CDH23: variants seen among roughly 807,000 people sequenced by gnomAD.
The protein encoded by CDH23 is cadherin related 23, also known as cadherin-23.
In CDH23, 189 loss-of-function variants were observed where a neutral mutation model predicts 317.1. The observed-to-expected ratio is 0.60, with a 90% confidence interval of 0.53 to 0.67. CDH23 has a LOEUF of 0.67. CDH23 is among the 30% of genes least tolerant of loss of function. The probability of loss-of-function intolerance (pLI) is 0.00; values close to 1 mark genes in which losing one functional copy is unlikely to be tolerated. For missense variants in CDH23, 4,401 were observed against 4,592.4 expected, an observed-to-expected ratio of 0.96 and a Z score of 1.20; for synonymous variants, 1,839 against 1,876.8, an observed-to-expected ratio of 0.98 and a Z score of 0.52.
intron 6 of CDH23, among the ~76,000 whole-genome samples, chr10:71,537,328 C>T (rs867813084): frequency 4.6e-5 from 7 of 152,104 alleles, no homozygotes; most frequent in Non-Finnish European, 7.3e-5. Flanking sequence ...GCGGAGAGCC[C>T]GGGACATGAT....
intron 1 of CDH23, among the ~76,000 whole-genome samples, chr10:71,425,232 G>GGAGAGAGAGAGAGAGAGAGAGAGAGA (rs748338206): frequency 9.5e-5 from 7 of 73,962 alleles, no homozygotes; most frequent in African/African-American, 2.8e-4. Flanking sequence ...AGAGAGAGAG[G>GGAGAGAGAGAGAGAGAGAGAGAGAGA]GAGAGAGAGA....
At chr10:71,814,688 ACACAC>A (rs1488173351) in intron 69 of CDH23, among the ~76,000 whole-genome samples, 3 of 139,792 alleles carry the variant, frequency 2.1e-5, no homozygotes, top group Non-Finnish European at 3.1e-5. Flanking sequence ...CGATACACAC[ACACAC>A]AATTTTCACA....
intron 41 of CDH23, among the ~76,000 whole-genome samples, chr10:71,782,398 C>G (rs2132934783): frequency 6.6e-6 from 1 of 152,376 alleles, no homozygotes; most frequent in South Asian, 2.1e-4. Flanking sequence ...GGTGGCATCT[C>G]TCTATTAGCC....
Position 71,694,225 on chromosome 10 carries a change from G to T in CDH23, c.2255G>T (p.Gly752Val). The T allele has an allele frequency of 6.2e-7, 1 of 1,613,476 alleles. No individual in the cohort carries two copies. Residue 752 changes from glycine to valine, a missense_variant, in exon 21 of 70, where the codon GGT becomes GTT. Gly to Val is a moderately radical substitution (Grantham distance 109). Coordinates refer to ENST00000224721, the MANE Select transcript of CDH23 (RefSeq NM_022124.6). ...CTCATCGTTCGCGCAGTGGACGGGG[G>T]TGTGGGCCACAACCAGAAAACTGGC... ...YILIVRAVDG[G>V]VGHNQKTGIA...
intron 68 of CDH23, 90 bp from the exon 69 acceptor site, chr10:71,813,154 C>T: frequency 7.8e-7 from 1 of 1,276,952 alleles, no homozygotes; most frequent in East Asian, 2.5e-5. Context: ...GATCAGATGT[C>T]CGTGTACCCC....
chr10:71,764,042 T>C (rs893083215), intron 38 of CDH23, among the ~76,000 whole-genome samples: 8 of 152,064 alleles, frequency 5.3e-5, no homozygotes, highest in African/African-American at 1.9e-4. Flanking sequence ...GAGCAGAGAT[T>C]TCAGAACTTC....
chr10:71,400,653 C>T (rs138379279), intron 1 of CDH23, among the ~76,000 whole-genome samples: 103 of 152,098 alleles, frequency 6.8e-4, no homozygotes, highest in Middle Eastern at 6.8e-3. Context: ...ACAAAAATTA[C>T]CCAGACGTGG....
In CDH23 at chr10:71,803,214, T is replaced by C. The variant is rs374322139; in HGVS notation, c.7666T>C (p.Phe2556Leu). The part of the protein sequence containing the change: ...YSLEGPGVEA[F>L]HVDMDSGLVT... ...TCTCCTGCTCCCACTGCCAGAGGCC[T>C]TCCATGTGGACATGGACTCGGGCTT... The change falls in exon 55 of 70, where the codon TTC (phenylalanine) becomes CTC (leucine). Residue 2556 changes from phenylalanine (F) to leucine (L), a missense_variant. Transcript: ENST00000224721. 6 of 1,607,142 alleles carry C rather than the reference T, an allele frequency of 3.7e-6. No homozygotes were observed. In the African/African-American group the frequency reaches 6.7e-5, roughly 18 times the overall value.
At chr10:71,717,777 A>G (rs561936587) in intron 28 of CDH23, 41 of 152,304 alleles carry the variant, frequency 2.7e-4, no homozygotes, top group African/African-American at 9.4e-4. Flanking sequence ...AGAAATCTGG[A>G]TTTTTTTAAA....
intron 1 of CDH23, among the ~76,000 whole-genome samples, chr10:71,420,445 T>TGATG (rs1848716750): frequency 3.7e-5 from 1 of 26,702 alleles, no homozygotes; most frequent in Non-Finnish European, 7.0e-5. Flanking sequence ...TGATGGTCAT[T>TGATG]ATGATGGTGA....
intron 12 of CDH23, chr10:71,645,608 A>T (rs766989081): frequency 8.2e-6 from 6 of 735,342 alleles, no homozygotes; most frequent in Non-Finnish European, 1.5e-5. Flanking sequence ...AGCACAAGGA[A>T]GGAAAAGAGA....
intron 38 of CDH23, among the ~76,000 whole-genome samples, chr10:71,743,960 A>C (rs1839795795): frequency 6.6e-6 from 1 of 152,190 alleles, no homozygotes. Context: ...GAAGATGACA[A>C]AAAGATGGCA....
intron 3 of CDH23, among the ~76,000 whole-genome samples, chr10:71,465,323 G>T (rs1004638821): frequency 1.3e-5 from 2 of 152,242 alleles, no homozygotes; most frequent in Admixed American, 6.5e-5. Flanking sequence ...CTCAGCTGGG[G>T]GCAGGCAGCC....
At chr10:71,672,567 C>T (rs1864192804) in intron 14 of CDH23, among the ~76,000 whole-genome samples, 1 of 152,180 alleles carries the variant, frequency 6.6e-6, no homozygotes, top group Non-Finnish European at 1.5e-5. Context: ...ACAAATCTTC[C>T]CTGATCAGCA....
chr10:71,789,111 A>G, intron 45 of CDH23, 69 bp downstream of exon 45: 3 of 803,486 alleles, frequency 3.7e-6, no homozygotes, highest in Non-Finnish European at 4.4e-6. Flanking sequence ...ATGCCTGAGG[A>G]CCTCCCTTAT....
chr10:71,746,740 A>G (rs78762605), intron 38 of CDH23, among the ~76,000 whole-genome samples: 1,856 of 152,280 alleles, frequency 0.012, 34 homozygotes, highest in African/African-American at 0.042. Flanking sequence ...TGCCACGTGA[A>G]TTGCAGCCAA....
rs755419337 is a variant in CDH23 at position 71,779,271 on chromosome 10, T to C, written c.5192T>C (p.Leu1731Pro). The change falls in exon 41 of 70, where the codon CTT becomes CCT. Residue 1731 changes from leucine (L) to proline (P), a missense_variant. By Grantham distance (98) the Leu-to-Pro change is moderately conservative. Around this residue, in one of 3 missense-constraint regions of CDH23, gnomAD observed 3,068 missense variants for 3,203.3 expected, o/e 0.96. Transcript: ENST00000224721. ...SHRLTSTTTV[L>P]VNVNDINDNV... ...TAAGCTTTTCCACCATCTCAGGTGC[T>C]TGTGAATGTGAATGACATCAACGAC... is the stretch of plus-strand genomic sequence containing the variant. 6 of 1,613,884 alleles carry C rather than the reference T, an allele frequency of 3.7e-6. No homozygotes were observed. In the African/African-American group the frequency reaches 6.7e-5, roughly 18 times the overall value.
chr10:71,745,466 T>C (rs1209260561), intron 38 of CDH23, among the ~76,000 whole-genome samples: 1 of 152,066 alleles, frequency 6.6e-6, no homozygotes, highest in Non-Finnish European at 1.5e-5. Context: ...GGACAGTGTA[T>C]ATGGGACTCG....
chr10:71,438,347 C>CAA (rs10596696), intron 1 of CDH23, among the ~76,000 whole-genome samples: 105 of 98,336 alleles, frequency 1.1e-3, no homozygotes, highest in South Asian at 2.6e-3. Flanking sequence ...CTGTCTCAAA[C>CAA]AAAAAAAAAA....
Sources: allele counts gnomAD v4.1 joint callset (sites outside exome capture counted in the v4.1 genomes callset), GRCh38; gene constraint gnomAD v4.1.1; regional missense constraint gnomAD v4.1.1; transcripts MANE v1.5; gene names NCBI Gene and HGNC (gene_info 2026-07-23, HGNC 2026-07-21).